ROBO2: variants seen among roughly 807,000 people sequenced by gnomAD.
ROBO2 encodes roundabout homolog 2.
Under a neutral mutation model 160.8 loss-of-function variants are expected in ROBO2, and 53 were observed. The observed-to-expected ratio is 0.33, with a 90% CI of 0.26 to 0.41. ROBO2 has a LOEUF of 0.41. Ranked by LOEUF, ROBO2 falls within the 10% of genes least tolerant of loss-of-function variation. The probability of loss-of-function intolerance (pLI) is 1.00; values close to 1 mark genes in which losing one functional copy is unlikely to be tolerated. For missense variants in ROBO2, 1,577 were observed against 1,722.4 expected (o/e 0.92, Z 1.49); for synonymous variants, 664 against 611.7 (o/e 1.09, Z -1.26).
At chr3:76,343,594 C>T (rs573896759) in intron 2 of ROBO2, among the ~76,000 whole-genome samples, 29 of 150,840 alleles carry the variant, frequency 1.9e-4, no homozygotes, top group Middle Eastern at 6.8e-3. Context: ...ACCGCAATTA[C>T]GTTTGCACCA....
intron 2 of ROBO2, among the ~76,000 whole-genome samples, chr3:76,049,726 C>T (rs1023082492): frequency 6.6e-6 from 1 of 152,044 alleles, no homozygotes; most frequent in Non-Finnish European, 1.5e-5. Context: ...GTCCAGTGTT[C>T]TGTAACTTGT....
At chr3:76,666,024 T>G (rs528560912) in intron 2 of ROBO2, among the ~76,000 whole-genome samples, 1 of 122,436 alleles carries the variant, frequency 8.2e-6, no homozygotes, top group Non-Finnish European at 1.8e-5. Flanking sequence ...TATTATATAT[T>G]ATATATATTA....
At position 76,597,022 on chromosome 3, in the gene ROBO2, G is replaced by A. The variant is rs150780270; in HGVS notation, c.110-500992G>A. 3.2e-4 allele frequency among the ~76,000 whole-genome samples: 48 copies of A among 152,124 alleles called. 1 individual carries two copies. The highest frequency in any genetic ancestry group is 1.2e-3 in the East Asian group (6 of 5,178). ...AACTTACATCAAATCATCTTAGCCC[G>A]ACAATTGATGCTGAAGTAATTGGAC... On this transcript the variant is annotated intron_variant, in intron 2 of 26. Transcript: ENST00000487694.
chr3:77,634,808 G>A, intron 23 of ROBO2, 62 bp from the exon 25 acceptor site: 2 of 1,501,542 alleles, frequency 1.3e-6, no homozygotes, highest in Non-Finnish European at 1.9e-6. Flanking sequence ...CAGAAATATA[G>A]GACAGAATCA....
chr3:77,528,901 T>C (rs768930540), intron 6 of ROBO2, among the ~76,000 whole-genome samples: 1 of 151,630 alleles, frequency 6.6e-6, no homozygotes, highest in Non-Finnish European at 1.5e-5. Flanking sequence ...CTTATTTTCT[T>C]GTATTTGTAG....
intron 2 of ROBO2, among the ~76,000 whole-genome samples, chr3:76,212,057 G>C (rs1001585584): frequency 6.6e-6 from 1 of 151,724 alleles, no homozygotes; most frequent in Non-Finnish European, 1.5e-5. Flanking sequence ...AAATTAACTA[G>C]AATAACCATA....
At chr3:76,391,129 A>G (rs983325967) in intron 2 of ROBO2, among the ~76,000 whole-genome samples, 1 of 152,066 alleles carries the variant, frequency 6.6e-6, no homozygotes, top group Non-Finnish European at 1.5e-5. Context: ...TATCATTAAC[A>G]GTATTTTGCA....
At chr3:77,594,471 T>C (rs2094253236) in intron 17 of ROBO2, among the ~76,000 whole-genome samples, 1 of 152,162 alleles carries the variant, frequency 6.6e-6, no homozygotes, top group South Asian at 2.1e-4. Context: ...TTATTGGTGT[T>C]GCTAATAAGT....
chr3:77,090,719 G>A (rs2070110821), intron 1 of ROBO2, among the ~76,000 whole-genome samples: 1 of 152,062 alleles, frequency 6.6e-6, no homozygotes, highest in Admixed American at 6.6e-5. Flanking sequence ...AACGTTAACT[G>A]ATCAATAACC....
intron 2 of ROBO2, among the ~76,000 whole-genome samples, chr3:76,584,550 T>C (rs1170299921): frequency 1.3e-5 from 2 of 151,996 alleles, no homozygotes; most frequent in Admixed American, 6.6e-5. Flanking sequence ...AAGACAGCCA[T>C]CCACAGCCAA....
chr3:76,243,801 T>C (rs1705450014), intron 2 of ROBO2, among the ~76,000 whole-genome samples: 1 of 152,252 alleles, frequency 6.6e-6, no homozygotes, highest in Admixed American at 6.5e-5. Flanking sequence ...AATATTATCT[T>C]TTCCACTTAT....
At chr3:76,422,574 G>A (rs1421095435) in intron 2 of ROBO2, among the ~76,000 whole-genome samples, 1 of 152,098 alleles carries the variant, frequency 6.6e-6, no homozygotes, top group Non-Finnish European at 1.5e-5. Flanking sequence ...CGTCTTTTTG[G>A]AAATGGGATC....
Position 76,603,566 on chromosome 3 carries a change from T to A in ROBO2, c.110-494448T>A, listed in dbSNP as rs924215595. 5.9e-5 allele frequency among the ~76,000 whole-genome samples: 9 copies of A among 151,856 alleles called. No individual in the cohort carries two copies. In the Middle Eastern group the frequency reaches 0.01, roughly 175 times the overall value. On this transcript the variant is annotated intron_variant, in intron 2 of 26. Transcript: ENST00000487694. ...ATGAATGAATAGATGGAGTTTTTTT[T>A]AAAAGATGGCTTGAAGTTTTTTTTC... is the stretch of plus-strand genomic sequence containing the variant.
intron 2 of ROBO2, among the ~76,000 whole-genome samples, chr3:76,121,017 G>A (rs2070732099): frequency 6.6e-6 from 1 of 152,056 alleles, no homozygotes; most frequent in Admixed American, 6.6e-5. Context: ...GAGCATAACA[G>A]CAATAGATGA....
At chr3:77,078,427 C>T (rs2068251239) in intron 1 of ROBO2, among the ~76,000 whole-genome samples, 2 of 152,106 alleles carry the variant, frequency 1.3e-5, no homozygotes, top group East Asian at 1.9e-4. Context: ...CACCAAGGTT[C>T]GGGAGTTAGC....
chr3:77,526,283 T>G (rs564049492), intron 6 of ROBO2, among the ~76,000 whole-genome samples: 1 of 151,662 alleles, frequency 6.6e-6, no homozygotes, highest in Non-Finnish European at 1.5e-5. Flanking sequence ...ATGTATCTGT[T>G]AAGTGAATAT....
exon 22 of ROBO2, chr3:77,617,625 G>A (rs2153702996): frequency 6.2e-7 from 1 of 1,614,134 alleles, no homozygotes; most frequent in East Asian, 2.2e-5. Flanking sequence ...TCCTGTTCGA[G>A]GCGTGGCTTC....
chr3:77,619,064 C>G (rs2094844285), intron 22 of ROBO2, among the ~76,000 whole-genome samples: 1 of 152,098 alleles, frequency 6.6e-6, no homozygotes, highest in Non-Finnish European at 1.5e-5. Context: ...GGCTCCACTC[C>G]CAGAGAAAGA....
intron 2 of ROBO2, among the ~76,000 whole-genome samples, chr3:77,303,703 C>G (rs2062852064): frequency 6.6e-6 from 1 of 151,878 alleles, no homozygotes; most frequent in Non-Finnish European, 1.5e-5. Flanking sequence ...CATCATTACA[C>G]AATGTGTGTG....
Sources: allele counts gnomAD v4.1 joint callset (sites outside exome capture counted in the v4.1 genomes callset), GRCh38; gene constraint gnomAD v4.1.1; transcripts MANE v1.5; gene names NCBI Gene and HGNC (gene_info 2026-07-23, HGNC 2026-07-21).